The following BNC2 variants were observed in gnomAD, a reference collection of about 807,000 sequenced individuals.
BNC2 encodes zinc finger protein basonuclin-2.
A neutral mutation model predicts 76.3 loss-of-function variants in BNC2; 20 were observed. That is an observed-to-expected ratio of 0.26 (90% CI 0.18 to 0.38). The LOEUF (loss-of-function observed/expected upper bound fraction) is 0.38, where lower values mean the gene tolerates loss of function less well. Among genes scored for constraint, BNC2 ranks in the 10% least tolerant of loss-of-function variants. The probability of loss-of-function intolerance (pLI) is 1.00; values close to 1 mark genes in which losing one functional copy is unlikely to be tolerated. For synonymous variants in BNC2, 582 were observed against 514.8 expected (o/e 1.13, Z -1.77); for missense variants, 1,382 against 1,399.8 (o/e 0.99, Z 0.20).
intron 5 of BNC2, among the ~76,000 whole-genome samples, chr9:16,509,877 G>C (rs961171492): frequency 6.6e-6 from 1 of 152,198 alleles, no homozygotes; most frequent in Admixed American, 6.5e-5. Context: ...ACTTTCAACT[G>C]TAATGGTTAG....
intron 5 of BNC2, among the ~76,000 whole-genome samples, chr9:16,465,727 T>C (rs573868710): frequency 8.5e-5 from 13 of 152,316 alleles, no homozygotes; most frequent in Non-Finnish European, 1.8e-4. Flanking sequence ...TTTCTTAACA[T>C]ATCTCAATAA....
At chr9:16,674,798 G>A (rs1007575033) in intron 3 of BNC2, among the ~76,000 whole-genome samples, 12 of 152,120 alleles carry the variant, frequency 7.9e-5, no homozygotes, top group South Asian at 2.1e-4. Context: ...CTTGGTCTGC[G>A]TATATGCTCC....
intron 1 of BNC2, among the ~76,000 whole-genome samples, chr9:16,785,032 T>C (rs1344624211): frequency 6.6e-6 from 1 of 152,208 alleles, no homozygotes; most frequent in Non-Finnish European, 1.5e-5. Context: ...GTATTCTCTG[T>C]ATGTGCTTAT....
At chr9:16,476,959 T>C (rs1821941340) in intron 5 of BNC2, among the ~76,000 whole-genome samples, 1 of 152,134 alleles carries the variant, frequency 6.6e-6, no homozygotes, top group Non-Finnish European at 1.5e-5. Context: ...TCAGAAGTAA[T>C]GTAGGATCCA....
intron 5 of BNC2, among the ~76,000 whole-genome samples, chr9:16,475,024 G>T (rs1037493012): frequency 6.6e-6 from 1 of 152,134 alleles, no homozygotes; most frequent in South Asian, 2.1e-4. Flanking sequence ...CAGCAAAGGA[G>T]GGAAATATTA....
intron 5 of BNC2, among the ~76,000 whole-genome samples, chr9:16,467,503 T>TA (rs1381297808): frequency 8.4e-6 from 1 of 119,366 alleles, no homozygotes; most frequent in African/African-American, 3.4e-5. Flanking sequence ...TATGCAGCCA[T>TA]AAAAAATGAT....
intron 3 of BNC2, among the ~76,000 whole-genome samples, chr9:16,641,178 C>G (rs1821482585): frequency 6.6e-6 from 1 of 152,194 alleles, no homozygotes; most frequent in African/African-American, 2.4e-5. Context: ...CCACTGATTA[C>G]TTTTTTAAAT....
chr9:16,475,257 G>A (rs930054375), intron 5 of BNC2, among the ~76,000 whole-genome samples: 1 of 152,118 alleles, frequency 6.6e-6, no homozygotes, highest in African/African-American at 2.4e-5. Flanking sequence ...ATAGCCTTGT[G>A]AACACATCTG....
At chr9:16,701,352 G>C (rs1823505458) in intron 3 of BNC2, among the ~76,000 whole-genome samples, 1 of 152,154 alleles carries the variant, frequency 6.6e-6, no homozygotes, top group Non-Finnish European at 1.5e-5. Context: ...AATCAACTTT[G>C]CTGGATTACA....
intron 3 of BNC2, among the ~76,000 whole-genome samples, chr9:16,671,240 C>A (rs185068919): frequency 6.6e-6 from 1 of 152,178 alleles, no homozygotes; most frequent in East Asian, 1.9e-4. Flanking sequence ...TACATAAGGG[C>A]CCACATCACA....
At chr9:16,584,326 C>G (rs1489960957) in intron 3 of BNC2, among the ~76,000 whole-genome samples, 1 of 152,114 alleles carries the variant, frequency 6.6e-6, no homozygotes, top group Non-Finnish European at 1.5e-5. Flanking sequence ...TTGTAACAGG[C>G]AGTATTTTGG....
chr9:16,827,049 G>A (rs913562304), intron 1 of BNC2, among the ~76,000 whole-genome samples: 4 of 152,142 alleles, frequency 2.6e-5, no homozygotes, highest in Non-Finnish European at 4.4e-5. Context: ...TGATTTAAGC[G>A]ATGTTACCAA....
chr9:16,842,548 A>T (rs1818859150), intron 1 of BNC2, among the ~76,000 whole-genome samples: 1 of 152,200 alleles, frequency 6.6e-6, no homozygotes, highest in South Asian at 2.1e-4. Flanking sequence ...GCGTTCTAGA[A>T]CTAAATAGTG....
intron 1 of BNC2, among the ~76,000 whole-genome samples, chr9:16,746,536 G>A (rs939332858): frequency 1.3e-5 from 2 of 151,726 alleles, no homozygotes; most frequent in African/African-American, 2.4e-5. Flanking sequence ...GCTAATTTTT[G>A]TATTTTTAGT....
chr9:16,774,223 C>T lies in BNC2; in HGVS notation c.4-35738G>A, dbSNP rs576450334. On this transcript the variant is annotated intron_variant, in intron 1 of 6. Transcript: ENST00000380672. The stretch of plus-strand genomic sequence containing the variant: ...TCTCGAACGCCTGACCTCGAGTGAT[C>T]GGCCCCACCTCAGCCTCCCAAAGTG... 1.4e-3 allele frequency among the ~76,000 whole-genome samples: 209 copies of T among 152,226 alleles called. 1 individual carries two copies. Among genetic ancestry groups the T allele is most frequent in the African/African-American group, 5.0e-3 (207 of 41,538 alleles).
At chr9:16,626,467 T>C (rs1820995800) in intron 3 of BNC2, 3 of 152,272 alleles carry the variant, frequency 2.0e-5, no homozygotes, top group African/African-American at 7.2e-5. Flanking sequence ...AAAACTTTCA[T>C]CTCTCAGTTA....
At chr9:16,704,945 C>G (rs1823622182) in intron 3 of BNC2, 1 of 152,330 alleles carries the variant, frequency 6.6e-6, no homozygotes, top group South Asian at 2.1e-4. Context: ...CTCTATCTCC[C>G]AACCTCTTTG....
At chr9:16,704,543 T>C (rs1823604020) in intron 3 of BNC2, among the ~76,000 whole-genome samples, 1 of 148,552 alleles carries the variant, frequency 6.7e-6, no homozygotes, top group Non-Finnish European at 1.5e-5. Flanking sequence ...CATGGTTGGA[T>C]TTAGCCCTTC....
At chr9:16,856,381 A>G (rs1819258797) in intron 1 of BNC2, among the ~76,000 whole-genome samples, 1 of 152,190 alleles carries the variant, frequency 6.6e-6, no homozygotes, top group Non-Finnish European at 1.5e-5. Context: ...TTTACAGACA[A>G]AAGGGAAGCT....
Sources: allele counts gnomAD v4.1 joint callset (sites outside exome capture counted in the v4.1 genomes callset), GRCh38; gene constraint gnomAD v4.1.1; transcripts MANE v1.5; gene names NCBI Gene and HGNC (gene_info 2026-07-23, HGNC 2026-07-21).